Variants in FRMD5 observed in about 807,000 individuals in gnomAD.
FRMD5 encodes the protein FERM domain-containing protein 5.
A neutral mutation model predicts 69.0 loss-of-function variants in FRMD5; 20 were observed. The observed-to-expected ratio is 0.29, with a 90% CI of 0.20 to 0.42. FRMD5 has a LOEUF of 0.42. Ranked by LOEUF, FRMD5 falls within the 10% of genes least tolerant of loss-of-function variation. The pLI is 1.00. For missense variants in FRMD5, 595 were observed against 708.6 expected (o/e 0.84, Z 1.82); for synonymous variants, 271 against 260.1 (o/e 1.04, Z -0.40).
Position 43,919,246 on chromosome 15 carries a change from C to T in FRMD5, c.329+213G>A, listed in dbSNP as rs1455225332. On this transcript the variant is annotated intron_variant, in intron 4 of 13. Coordinates refer to ENST00000417257, the MANE Select transcript of FRMD5 (RefSeq NM_032892.5). ...AGTTCAAGAGGTAGTATTCACACTT[C>T]TTGAAGGAAAGAAGTCCACTCTGTT... is the stretch of plus-strand genomic sequence containing the variant. 9 of 699,634 alleles carry T rather than the reference C, an allele frequency of 1.3e-5. No homozygotes were observed. In the South Asian group the frequency reaches 1.3e-4, roughly 10 times the overall value. 43.3% of individuals were successfully genotyped at this position (699,634 alleles called of 1,614,324 possible). A position where few individuals can be genotyped will look rare whatever the true frequency, so the allele number is the denominator to read the frequency against.
At chr15:43,992,812 G>A (rs935343227) in intron 1 of FRMD5, among the ~76,000 whole-genome samples, 2 of 152,136 alleles carry the variant, frequency 1.3e-5, no homozygotes, top group African/African-American at 4.8e-5. Context: ...AGGCTCAAGT[G>A]GTCCTCCTGT....
chr15:44,195,206 T>G lies in FRMD5; in HGVS notation c.-152A>C. ...TGCCTCCTGCTGGCCTCGTTCCTCC[T>G]CCTTATCCTCCTCCTTCCCTCAGCC... On this transcript the variant is annotated 5_prime_UTR_variant, in exon 1 of 14. Transcript: ENST00000417257. The G allele has an allele frequency of 1.8e-6, 1 of 567,568 alleles. No homozygotes were observed. Among genetic ancestry groups the G allele is most frequent in the Non-Finnish European group, 3.0e-6 (1 of 329,560 alleles). 35.2% of individuals were successfully genotyped at this position (567,568 alleles called of 1,614,324 possible).
intron 1 of FRMD5, among the ~76,000 whole-genome samples, chr15:44,035,342 G>A (rs946599289): frequency 1.3e-5 from 2 of 152,142 alleles, no homozygotes; most frequent in African/African-American, 4.8e-5. Context: ...TACCACTTAG[G>A]TCTGGTCTGA....
intron 1 of FRMD5, among the ~76,000 whole-genome samples, chr15:44,111,999 A>G (rs368626443): frequency 2.2e-4 from 33 of 152,092 alleles, no homozygotes; most frequent in Admixed American, 2.1e-3. Context: ...GCCCGCCACC[A>G]CATCCGGCTA....
At chr15:43,907,544 G>C (rs1014534522) in intron 5 of FRMD5, among the ~76,000 whole-genome samples, 1 of 77,896 alleles carries the variant, frequency 1.3e-5, no homozygotes, top group African/African-American at 4.7e-5. Context: ...TTTTTTTTTT[G>C]AGACAGAGTC....
At chr15:43,882,618 C>G (rs1219706639) in intron 13 of FRMD5, among the ~76,000 whole-genome samples, 1 of 152,096 alleles carries the variant, frequency 6.6e-6, no homozygotes, top group African/African-American at 2.4e-5. Context: ...CTCAGCCTCC[C>G]AGAGTGCTGG....
At chr15:44,111,878 T>A (rs2076801274) in intron 1 of FRMD5, among the ~76,000 whole-genome samples, 2 of 151,254 alleles carry the variant, frequency 1.3e-5, no homozygotes, top group South Asian at 4.2e-4. Flanking sequence ...TGAGACAGAG[T>A]CTCGTGCTGT....
intron 1 of FRMD5, among the ~76,000 whole-genome samples, chr15:44,061,865 C>T (rs894739302): frequency 2.6e-5 from 4 of 152,108 alleles, no homozygotes; most frequent in Non-Finnish European, 5.9e-5. Context: ...TGATACCGGA[C>T]GTAATACTTC....
intron 1 of FRMD5, among the ~76,000 whole-genome samples, chr15:43,938,130 C>T (rs1249538463): frequency 2.0e-5 from 3 of 150,348 alleles, no homozygotes; most frequent in Non-Finnish European, 2.9e-5. Context: ...ACTCGGGAGG[C>T]TGAGGCAGGA....
chr15:43,930,743 C>T (rs1251928492), intron 1 of FRMD5, among the ~76,000 whole-genome samples: 8 of 152,202 alleles, frequency 5.3e-5, no homozygotes, highest in Non-Finnish European at 8.8e-5. Context: ...GCCCTGTTGG[C>T]AGTCCTCACT....
intron 13 of FRMD5, among the ~76,000 whole-genome samples, chr15:43,877,338 T>TTC (rs1491448681): frequency 6.6e-6 from 1 of 152,056 alleles, no homozygotes; most frequent in Non-Finnish European, 1.5e-5. Context: ...AAAGGGTCTC[T>TTC]TTTTTCCCCT....
At chr15:44,092,610 T>C (rs954396263) in intron 1 of FRMD5, among the ~76,000 whole-genome samples, 2 of 152,220 alleles carry the variant, frequency 1.3e-5, no homozygotes, top group East Asian at 1.9e-4. Context: ...TCATAGGATA[T>C]GAGCTAAGTG....
At chr15:44,034,658 G>A (rs1239787864) in intron 1 of FRMD5, among the ~76,000 whole-genome samples, 6 of 152,204 alleles carry the variant, frequency 3.9e-5, no homozygotes, top group Admixed American at 6.5e-5. Context: ...GCAGGAAGAC[G>A]TAAGGCTTGT....
intron 1 of FRMD5, among the ~76,000 whole-genome samples, chr15:44,057,711 C>T (rs940668801): frequency 1.3e-5 from 2 of 152,208 alleles, no homozygotes; most frequent in African/African-American, 4.8e-5. Flanking sequence ...TAGGAATCGA[C>T]ACACATTAGT....
intron 1 of FRMD5, among the ~76,000 whole-genome samples, chr15:44,142,118 T>C (rs1196188961): frequency 6.6e-6 from 1 of 152,150 alleles, no homozygotes; most frequent in Non-Finnish European, 1.5e-5. Context: ...TCCAAATAAC[T>C]GATTTAAAAT....
At chr15:44,103,253 C>A (rs2076667113) in intron 1 of FRMD5, among the ~76,000 whole-genome samples, 1 of 152,044 alleles carries the variant, frequency 6.6e-6, no homozygotes, top group Non-Finnish European at 1.5e-5. Context: ...ATAGAAGGAG[C>A]TCTGTCAGAA....
intron 1 of FRMD5, among the ~76,000 whole-genome samples, chr15:43,983,131 G>T (rs1037929831): frequency 6.6e-6 from 1 of 152,050 alleles, no homozygotes; most frequent in African/African-American, 2.4e-5. Flanking sequence ...GGGTTTCACT[G>T]TGTTGGTCAG....
chr15:44,140,880 C>CAAAAA (rs1203954176), intron 1 of FRMD5, among the ~76,000 whole-genome samples: 2 of 31,938 alleles, frequency 6.3e-5, no homozygotes, highest in African/African-American at 1.0e-4. Flanking sequence ...GAGACTGTCT[C>CAAAAA]AAAAAAAAAA....
intron 7 of FRMD5, among the ~76,000 whole-genome samples, chr15:43,895,026 C>T (rs955005399): frequency 2.0e-5 from 3 of 152,116 alleles, no homozygotes; most frequent in African/African-American, 7.2e-5. Context: ...TCAAGTGATC[C>T]ACCCACCTCA....
Sources: gnomAD v4.1 joint callset for allele counts (sites outside exome capture counted in the v4.1 genomes callset) on GRCh38, gnomAD v4.1.1 for gene constraint, MANE v1.5 for transcripts, NCBI Gene and HGNC (gene_info 2026-07-23, HGNC 2026-07-21) for gene names.